The following HEATR5A variants were observed in gnomAD, a reference collection of about 807,000 sequenced individuals.
HEATR5A encodes the protein HEAT repeat containing 5A, also known as HEAT repeat-containing protein 5A.
HEATR5A carries 178 observed loss-of-function variants against 218.8 expected under a neutral mutation model. The observed-to-expected ratio is 0.81, with a 90% CI of 0.72 to 0.92. The LOEUF is 0.92. Among genes scored for constraint, HEATR5A ranks in the 40% least tolerant of loss-of-function variants. The probability of loss-of-function intolerance (pLI) is 0.00; values close to 1 mark genes in which losing one functional copy is unlikely to be tolerated. For synonymous variants in HEATR5A, 864 were observed against 871.6 expected, an observed-to-expected ratio of 0.99 and a Z score of 0.15; for missense variants, 2,420 against 2,418.9, an observed-to-expected ratio of 1.00 and a Z score of -0.01.
chr14:31,342,901 A>G (rs923499219), intron 21 of HEATR5A, among the ~76,000 whole-genome samples: 19 of 152,344 alleles, frequency 1.2e-4, no homozygotes, highest in African/African-American at 4.3e-4. Flanking sequence ...GAAATGCTGC[A>G]TATTTTGCCT....
At chr14:31,352,612 A>C (rs1393352142) in intron 16 of HEATR5A, among the ~76,000 whole-genome samples, 1 of 152,196 alleles carries the variant, frequency 6.6e-6, no homozygotes, top group Admixed American at 6.5e-5. Context: ...TATCGAGGCT[A>C]TGTGTACATC....
At chr14:31,385,938 G>T (rs2030201805) in intron 9 of HEATR5A, among the ~76,000 whole-genome samples, 1 of 152,072 alleles carries the variant, frequency 6.6e-6, no homozygotes, top group Admixed American at 6.5e-5. Flanking sequence ...ATGTTGGCCA[G>T]GCTGGTCTTG....
At chr14:31,342,407 T>C (rs971383685) in intron 21 of HEATR5A, among the ~76,000 whole-genome samples, 1 of 152,112 alleles carries the variant, frequency 6.6e-6, no homozygotes, top group Non-Finnish European at 1.5e-5. Flanking sequence ...TAAATAGTTT[T>C]ATATGACTAT....
rs1595083238 is a variant in HEATR5A at position 31,309,834 on chromosome 14, C to G, written c.4442-652G>C. On this transcript the variant is annotated intron_variant, in intron 28 of 35. Transcript: ENST00000543095. Reference sequence around the variant, plus strand: ...TCTCCCGCCTCAGCCTCCTGAGTAGCTGGGACCACAGGTGTGCACCACCAC... The same window carrying G: ...TCTCCCGCCTCAGCCTCCTGAGTAGGTGGGACCACAGGTGTGCACCACCAC... 2.0e-5 allele frequency among the ~76,000 whole-genome samples: 3 copies of G among 152,074 alleles called. No individual in the cohort carries two copies. The East Asian group carries it at 5.8e-4, about 29-fold the overall frequency.
intron 1 of HEATR5A, among the ~76,000 whole-genome samples, chr14:31,419,617 C>A (rs180779927): frequency 1.3e-5 from 2 of 152,160 alleles, no homozygotes; most frequent in Non-Finnish European, 2.9e-5. Context: ...AATGAATGCA[C>A]ATAAAAACAA....
At chr14:31,359,467 C>T (rs974877102) in intron 14 of HEATR5A, among the ~76,000 whole-genome samples, 2 of 152,044 alleles carry the variant, frequency 1.3e-5, no homozygotes, top group Non-Finnish European at 2.9e-5. Context: ...TGGCTCACAC[C>T]TGTAATCCCA....
At chr14:31,374,084 C>A (rs1348525323) in intron 12 of HEATR5A, among the ~76,000 whole-genome samples, 1 of 151,826 alleles carries the variant, frequency 6.6e-6, no homozygotes, top group Admixed American at 6.6e-5. Flanking sequence ...GGTGGGAGGA[C>A]TGCTTGAGGT....
intron 29 of HEATR5A, among the ~76,000 whole-genome samples, chr14:31,308,378 A>G (rs1239176538): frequency 3.9e-5 from 6 of 152,016 alleles, no homozygotes; most frequent in Admixed American, 3.9e-4. Flanking sequence ...ATGGTGGCGC[A>G]TGCCTGTAAT....
rs182353055 is a variant in HEATR5A, at chr14:31,370,866, G to A, written c.1961+944C>T. ...TCAAAACCAAACAAACCTAAACAAT[G>A]TACTATTTTAAGAAACAAAAATATG... On this transcript the variant is annotated intron_variant, in intron 13 of 35. Coordinates refer to ENST00000543095, the MANE Select transcript of HEATR5A (RefSeq NM_015473.4). 3.2e-3 allele frequency among the ~76,000 whole-genome samples: 489 copies of A among 152,192 alleles called. 3 individuals are homozygous for A. The highest frequency in any genetic ancestry group is 0.017 in the South Asian group (82 of 4,820).
intron 1 of HEATR5A, among the ~76,000 whole-genome samples, chr14:31,412,632 G>A (rs2031315302): frequency 6.6e-6 from 1 of 152,048 alleles, no homozygotes; most frequent in Admixed American, 6.6e-5. Context: ...GCTCACGCCT[G>A]TTAATTCCAG....
chr14:31,293,526 T>A lies in HEATR5A; in HGVS notation c.5920A>T (p.Arg1974Ter). The part of the protein sequence containing the change: ...NSLGSATSIM[R>*]NLHDFALQNL... Reference sequence around the variant, plus strand: ...TGTAGAGCAAAGTCATGTAAATTTCTCATTATGGAAGTTGCTGATCCCAGA... The same window carrying A: ...TGTAGAGCAAAGTCATGTAAATTTCACATTATGGAAGTTGCTGATCCCAGA... The change falls in exon 36 of 36, where the codon AGA (arginine) becomes TGA (stop). Residue 1974 changes from arginine (R) to a stop codon, truncating the protein, a stop_gained. Transcript: ENST00000543095. LOFTEE classifies it high-confidence loss of function. The A allele has an allele frequency of 6.2e-7, 1 of 1,613,926 alleles. No individual in the cohort carries two copies. Among genetic ancestry groups the A allele is most frequent in the East Asian group, 2.2e-5 (1 of 44,880 alleles).
chr14:31,323,024 A>G (rs1283202407), intron 24 of HEATR5A, among the ~76,000 whole-genome samples: 1 of 152,168 alleles, frequency 6.6e-6, no homozygotes, highest in Non-Finnish European at 1.5e-5. Context: ...GTTAATATCT[A>G]TGATACTAAA....
intron 13 of HEATR5A, among the ~76,000 whole-genome samples, chr14:31,370,033 T>C (rs989488907): frequency 2.0e-5 from 3 of 151,722 alleles, no homozygotes; most frequent in Admixed American, 6.6e-5. Context: ...GAGACCATCC[T>C]GGCTAACACG....
rs1236587682 is a variant in HEATR5A at position 31,291,926 on chromosome 14, T to C, written c.*1379A>G. On this transcript the variant is annotated 3_prime_UTR_variant, in exon 36 of 36. Transcript: ENST00000543095. The stretch of plus-strand genomic sequence containing the variant: ...ATAAAATAGGTACATCACATTGTTC[T>C]TGCTTCAAAATGTCTTCTCAATTCT... The C allele has an allele frequency of 6.6e-6, 1 of 152,248 alleles. No individual in the cohort carries two copies. Among genetic ancestry groups the C allele is most frequent in the Non-Finnish European group, 1.5e-5 (1 of 68,034 alleles). 9.4% of individuals were successfully genotyped at this position (152,248 alleles called of 1,614,324 possible). A position where few individuals can be genotyped will look rare whatever the true frequency, so the allele number is the denominator to read the frequency against.
At chr14:31,418,950 A>G (rs931674227) in intron 1 of HEATR5A, among the ~76,000 whole-genome samples, 1 of 152,192 alleles carries the variant, frequency 6.6e-6, no homozygotes, top group African/African-American at 2.4e-5. Flanking sequence ...TTTTCTGTAG[A>G]TAATATATTC....
intron 22 of HEATR5A, among the ~76,000 whole-genome samples, chr14:31,332,861 C>T (rs1288044022): frequency 6.6e-6 from 1 of 152,018 alleles, no homozygotes; most frequent in Non-Finnish European, 1.5e-5. Context: ...TGGCGGGCAC[C>T]TGTAATCCCA....
chr14:31,419,796 C>T (rs895812561), intron 1 of HEATR5A, among the ~76,000 whole-genome samples: 3 of 152,214 alleles, frequency 2.0e-5, no homozygotes, highest in Non-Finnish European at 4.4e-5. Context: ...TGAAATAACG[C>T]CGCGTTGGCC....
chr14:31,372,983 G>T (rs1306348865), intron 12 of HEATR5A, among the ~76,000 whole-genome samples: 1 of 134,612 alleles, frequency 7.4e-6, no homozygotes, highest in Non-Finnish European at 1.6e-5. Flanking sequence ...CTGTTACCCA[G>T]GCTGGAATAC....
At chr14:31,326,692 G>C (rs778730771) in intron 22 of HEATR5A, among the ~76,000 whole-genome samples, 20 of 151,890 alleles carry the variant, frequency 1.3e-4, no homozygotes, top group Non-Finnish European at 2.1e-4. Context: ...GCCCAGGCTA[G>C]AGTGCAATGG....
Sources: gnomAD v4.1 joint callset for allele counts (sites outside exome capture counted in the v4.1 genomes callset) on GRCh38, gnomAD v4.1.1 for gene constraint, MANE v1.5 for transcripts, NCBI Gene and HGNC (gene_info 2026-07-23, HGNC 2026-07-21) for gene names.